Variants in FBXO34 observed in about 807,000 individuals in gnomAD.
FBXO34 encodes F-box only protein 34.
A neutral mutation model predicts 24.5 loss-of-function variants in FBXO34; 12 were observed. The ratio of observed to expected loss-of-function variants is 0.49; its 90% confidence interval spans 0.31 to 0.79. FBXO34 has a LOEUF of 0.79. Among genes scored for constraint, FBXO34 ranks in the 30% least tolerant of loss-of-function variants. FBXO34 has a pLI of 0.04. For missense variants in FBXO34, 823 were observed against 857.7 expected (o/e 0.96, Z 0.51); for synonymous variants, 320 against 311.9 (o/e 1.03, Z -0.27).
At chr14:55,411,809 C>G in the FBXO34 span, 3 of 1,595,282 alleles carry the variant, frequency 1.9e-6, no homozygotes, top group East Asian at 2.3e-5. Context: ...TCCCTTCCCA[C>G]TGGGAGACGC....
the FBXO34 span, among the ~76,000 whole-genome samples, chr14:55,402,949 A>ATG: frequency 2.5e-5 from 2 of 79,380 alleles, no homozygotes; most frequent in Non-Finnish European, 5.2e-5. Context: ...ATATATATAT[A>ATG]TATATATATA....
At chr14:55,388,670 GA>G in the FBXO34 span, among the ~76,000 whole-genome samples, 14 of 152,296 alleles carry the variant, frequency 9.2e-5, no homozygotes, top group South Asian at 2.9e-3. Context: ...GCCCTTTCAT[GA>G]CTACATGTCA....
intron 1 of FBXO34, among the ~76,000 whole-genome samples, chr14:55,288,306 A>T (rs768063076): frequency 1.3e-5 from 2 of 152,152 alleles, no homozygotes; most frequent in Non-Finnish European, 2.9e-5. Context: ...AATTTTGTGC[A>T]TTTAAATTAT....
At chr14:55,372,014 T>G (rs1884829690), downstream of FBXO34, among the ~76,000 whole-genome samples, 1 of 152,116 alleles carries the variant, frequency 6.6e-6, no homozygotes, top group African/African-American at 2.4e-5. Context: ...ACTTCATTTC[T>G]TTTCTCCCCT....
intron 1 of FBXO34, among the ~76,000 whole-genome samples, chr14:55,284,578 G>A (rs1178864267): frequency 6.9e-6 from 1 of 145,782 alleles, no homozygotes; most frequent in Non-Finnish European, 1.5e-5. Flanking sequence ...CAGGGACCTA[G>A]CCTCTGGATT....
At chr14:55,298,768 A>G in intron 1 of FBXO34, 2 of 1,582,430 alleles carry the variant, frequency 1.3e-6, no homozygotes, top group East Asian at 2.2e-5. Context: ...AAGAAAATCG[A>G]GCAGAGGCAC....
At chr14:55,332,662 A>C (rs1321148384) in intron 1 of FBXO34, among the ~76,000 whole-genome samples, 1 of 152,172 alleles carries the variant, frequency 6.6e-6, no homozygotes, top group Admixed American at 6.5e-5. Flanking sequence ...AACTTGGTGT[A>C]CCTCATTATT....
At chr14:55,417,453 TAAAAAAA>T in the FBXO34 span, among the ~76,000 whole-genome samples, 16 of 91,348 alleles carry the variant, frequency 1.8e-4, no homozygotes, top group African/African-American at 5.7e-4. Flanking sequence ...ACCCTTGCCT[TAAAAAAA>T]AAAAAAAAAA....
At chr14:55,384,379 C>T in the FBXO34 span, among the ~76,000 whole-genome samples, 1 of 152,196 alleles carries the variant, frequency 6.6e-6, no homozygotes, top group Non-Finnish European at 1.5e-5. Context: ...ATACAATAAT[C>T]ACAACCAGAT....
At chr14:55,411,751 C>A in the FBXO34 span, 1 of 1,609,054 alleles carries the variant, frequency 6.2e-7, no homozygotes, top group Non-Finnish European at 8.5e-7. Flanking sequence ...CCACCAGGTC[C>A]CGGGCGAGCG....
chr14:55,298,545 C>T (rs780260827), intron 1 of FBXO34: 9 of 629,222 alleles, frequency 1.4e-5, no homozygotes, highest in Non-Finnish European at 2.0e-5. Flanking sequence ...TACTTCTTGT[C>T]CTCATCTTTG....
intron 1 of FBXO34, among the ~76,000 whole-genome samples, chr14:55,330,787 TTCAA>T (rs1883507827): frequency 6.6e-6 from 1 of 152,080 alleles, no homozygotes; most frequent in Non-Finnish European, 1.5e-5. Context: ...GAGACCCTGG[TTCAA>T]TCAATCAGTA....
the FBXO34 span, among the ~76,000 whole-genome samples, chr14:55,389,929 T>C: frequency 6.6e-6 from 1 of 152,040 alleles, no homozygotes; most frequent in Non-Finnish European, 1.5e-5. Context: ...GTAAGATTAA[T>C]ACAGATTACA....
chr14:55,320,069 A>G (rs1883075720), intron 1 of FBXO34, among the ~76,000 whole-genome samples: 1 of 152,186 alleles, frequency 6.6e-6, no homozygotes, highest in South Asian at 2.1e-4. Flanking sequence ...TGAAAAAAAA[A>G]ATGTATGCAA....
chr14:55,283,454 A>T (rs1881629407), intron 1 of FBXO34, among the ~76,000 whole-genome samples: 2 of 150,680 alleles, frequency 1.3e-5, no homozygotes, highest in African/African-American at 4.9e-5. Flanking sequence ...GTAAGAATTT[A>T]TTCTTTTTTT....
chr14:55,370,046 C>T (rs1041794072), downstream of FBXO34: 19 of 926,592 alleles, frequency 2.1e-5, no homozygotes, highest in Admixed American at 5.5e-5. Context: ...CCATTCATTC[C>T]CCAAGTCTAT....
intron 1 of FBXO34, among the ~76,000 whole-genome samples, chr14:55,322,250 C>T (rs1363756070): frequency 6.7e-6 from 1 of 148,984 alleles, no homozygotes; most frequent in African/African-American, 2.5e-5. Context: ...GCGGAGCTTG[C>T]AGTGAGCCGA....
Position 55,323,184 on chromosome 14 carries a change from CAAAAAAAAAA to C in FBXO34, c.-10-27171_-10-27162del, listed in dbSNP as rs368380622. Among the ~76,000 whole-genome samples the C allele has an allele frequency of 7.8e-3, 95 of 12,152 alleles. 15 individuals carry two copies. Among genetic ancestry groups the C allele is most frequent in the African/African-American group, 0.044 (85 of 1,928 alleles). 8.0% of individuals were successfully genotyped at this position (12,152 alleles called of 152,430 possible). ...TGGGCGACAGAGTGAGACTCTGTCT[CAAAAAAAAAA>C]AAAAAAAAAAAAAAAAAAAAAAAAA... is the stretch of plus-strand genomic sequence containing the variant. On this transcript the variant is annotated intron_variant, in intron 1 of 1. Transcript: ENST00000313833.
the FBXO34 span, chr14:55,380,461 C>A: frequency 1.6e-5 from 11 of 699,318 alleles, no homozygotes; most frequent in Non-Finnish European, 2.5e-5. Context: ...CCGACCTTCT[C>A]TGTCTTGGTA....
Sources: gnomAD v4.1 joint callset for allele counts (sites outside exome capture counted in the v4.1 genomes callset) on GRCh38, gnomAD v4.1.1 for gene constraint, MANE v1.5 for transcripts, NCBI Gene and HGNC (gene_info 2026-07-23, HGNC 2026-07-21) for gene names.